Variants in DLGAP2 observed in about 807,000 individuals in gnomAD.
The protein encoded by DLGAP2 is DLG associated protein 2, also known as disks large-associated protein 2.
DLGAP2 carries 26 observed loss-of-function variants against 100.3 expected under a neutral mutation model. That is an observed-to-expected ratio of 0.26 (90% CI 0.19 to 0.36). DLGAP2 has a LOEUF of 0.36. DLGAP2 is among the 10% of genes least tolerant of loss of function. DLGAP2 has a pLI of 1.00. For missense variants in DLGAP2, 1,858 were observed against 1,453.2 expected, an observed-to-expected ratio of 1.28 and a Z score of -4.53; for synonymous variants, 886 against 630.1, an observed-to-expected ratio of 1.41 and a Z score of -6.08.
At chr8:1,342,676 C>T (rs1407989631) in intron 3 of DLGAP2, among the ~76,000 whole-genome samples, 1 of 152,180 alleles carries the variant, frequency 6.6e-6, no homozygotes, top group African/African-American at 2.4e-5. Flanking sequence ...TTTCTCATCC[C>T]TAACTTTATA....
In DLGAP2 at chr8:1,702,453, A is replaced by T. The variant is rs1472242660; in HGVS notation, c.*1047A>T. 2 of 152,650 alleles carry T rather than the reference A, an allele frequency of 1.3e-5. No individual in the cohort carries two copies. Among genetic ancestry groups the T allele is most frequent in the African/African-American group, 4.8e-5 (2 of 41,462 alleles). The allele number at this position is 152,650 out of a possible 1,614,324, so 9.5% of individuals were successfully genotyped here. On this transcript the variant is annotated 3_prime_UTR_variant, in exon 15 of 15. Coordinates refer to ENST00000637795, the MANE Select transcript of DLGAP2 (RefSeq NM_001346810.2). ...TTAAGAAATATGAATGTGAGTGGTA[A>T]GTATATCTCAGTTTAAATGGTAAAG...
intron 3 of DLGAP2, among the ~76,000 whole-genome samples, chr8:1,432,852 C>G (rs1797492355): frequency 6.6e-6 from 1 of 152,190 alleles, no homozygotes; most frequent in South Asian, 2.1e-4. Flanking sequence ...ACCCCGGTGA[C>G]TTGGGTCCTG....
rs1799587007 is a variant in DLGAP2, at chr8:1,701,981, G to A, written c.*575G>A. The A allele has an allele frequency of 6.6e-6, 1 of 152,138 alleles. No homozygotes were observed. Among genetic ancestry groups the A allele is most frequent in the Non-Finnish European group, 1.5e-5 (1 of 68,110 alleles). 9.4% of individuals were successfully genotyped at this position (152,138 alleles called of 1,614,324 possible). A position where few individuals can be genotyped will look rare whatever the true frequency, so the allele number is the denominator to read the frequency against. ...TCGGACAGAAAACACGAGGCTCCTTGTGTCAAGCTTCCTGTGATGGAAAGC... is the reference window on the plus strand; with the variant it reads ...TCGGACAGAAAACACGAGGCTCCTTATGTCAAGCTTCCTGTGATGGAAAGC... On this transcript the variant is annotated 3_prime_UTR_variant, in exon 15 of 15. Coordinates refer to ENST00000637795, the MANE Select transcript of DLGAP2 (RefSeq NM_001346810.2).
chr8:1,001,808 C>T (rs57381523), intron 2 of DLGAP2, among the ~76,000 whole-genome samples: 1 of 152,140 alleles, frequency 6.6e-6, no homozygotes, highest in Non-Finnish European at 1.5e-5. Flanking sequence ...GAACAAGGAA[C>T]AAGGAAGAAA....
At chr8:1,581,025 CCA>C (rs1322209154) in intron 6 of DLGAP2, among the ~76,000 whole-genome samples, 1 of 142,742 alleles carries the variant, frequency 7.0e-6, no homozygotes, top group African/African-American at 2.6e-5. Flanking sequence ...TACACACACA[CCA>C]CAGTCAAACT....
chr8:879,722 A>G (rs953144480), intron 1 of DLGAP2, among the ~76,000 whole-genome samples: 2 of 152,174 alleles, frequency 1.3e-5, no homozygotes, highest in African/African-American at 4.8e-5. Context: ...GAATTTTTTC[A>G]TCATTGACCT....
intron 3 of DLGAP2, among the ~76,000 whole-genome samples, chr8:1,287,561 G>T (rs1799963051): frequency 7.4e-6 from 1 of 134,844 alleles, no homozygotes; most frequent in Admixed American, 7.7e-5. Context: ...GTGTGGTTCT[G>T]TTCGGAGGGG....
intron 1 of DLGAP2, among the ~76,000 whole-genome samples, chr8:837,043 C>T (rs900763459): frequency 6.6e-6 from 1 of 152,242 alleles, no homozygotes; most frequent in Middle Eastern, 3.2e-3. Context: ...GAGCCAGATT[C>T]CCGGGGTTCG....
intron 1 of DLGAP2, among the ~76,000 whole-genome samples, chr8:874,761 T>C (rs1422871335): frequency 6.6e-6 from 1 of 152,202 alleles, no homozygotes; most frequent in Non-Finnish European, 1.5e-5. Flanking sequence ...GCCTTCTCTT[T>C]CCTTGTTGAT....
intron 7 of DLGAP2, among the ~76,000 whole-genome samples, chr8:1,628,813 C>T (rs1253736712): frequency 6.6e-6 from 1 of 152,202 alleles, no homozygotes; most frequent in African/African-American, 2.4e-5. Flanking sequence ...GAGCCGACCT[C>T]ACATTCTCTC....
intron 1 of DLGAP2, among the ~76,000 whole-genome samples, chr8:845,461 C>T (rs1797055879): frequency 6.6e-6 from 1 of 152,118 alleles, no homozygotes; most frequent in Non-Finnish European, 1.5e-5. Context: ...TTGTATATCT[C>T]CTTTGGGAGA....
At chr8:1,507,264 C>G (rs886089573) in intron 4 of DLGAP2, among the ~76,000 whole-genome samples, 1 of 152,238 alleles carries the variant, frequency 6.6e-6, no homozygotes, top group Non-Finnish European at 1.5e-5. Context: ...GGGGGAGGCT[C>G]AGGCATGGCG....
chr8:1,356,088 G>A (rs1474710242), intron 3 of DLGAP2, among the ~76,000 whole-genome samples: 2 of 152,216 alleles, frequency 1.3e-5, no homozygotes, highest in Admixed American at 6.5e-5. Flanking sequence ...GCCAGTGCAG[G>A]TCCCTGGACA....
chr8:1,318,677 C>T (rs1227606114), intron 3 of DLGAP2, among the ~76,000 whole-genome samples: 2 of 152,000 alleles, frequency 1.3e-5, no homozygotes, highest in East Asian at 3.9e-4. Context: ...TGCCAAGCAA[C>T]ATACTAAGTT....
intron 3 of DLGAP2, among the ~76,000 whole-genome samples, chr8:1,360,780 C>G (rs546034063): frequency 3.9e-5 from 6 of 152,254 alleles, no homozygotes; most frequent in Admixed American, 3.9e-4. Context: ...TCTTGTGTGG[C>G]CTGACACGGT....
chr8:1,223,219 T>A (rs1798351980), intron 2 of DLGAP2, among the ~76,000 whole-genome samples: 1 of 152,188 alleles, frequency 6.6e-6, no homozygotes, highest in Admixed American at 6.5e-5. Flanking sequence ...TGTCCAGGGT[T>A]CCCACCTTCC....
intron 7 of DLGAP2, among the ~76,000 whole-genome samples, chr8:1,629,395 A>T (rs1193812589): frequency 2.0e-5 from 3 of 152,240 alleles, no homozygotes; most frequent in Non-Finnish European, 4.4e-5. Context: ...GGCAAATGGG[A>T]ATGGTGGGTC....
intron 4 of DLGAP2, among the ~76,000 whole-genome samples, chr8:1,528,998 G>A (rs1800891018): frequency 6.6e-6 from 1 of 152,188 alleles, no homozygotes; most frequent in Non-Finnish European, 1.5e-5. Flanking sequence ...CCTTCCTCAT[G>A]TTTATAAAAT....
intron 2 of DLGAP2, among the ~76,000 whole-genome samples, chr8:1,058,040 C>T (rs1182160441): frequency 6.6e-6 from 1 of 152,162 alleles, no homozygotes; most frequent in Non-Finnish European, 1.5e-5. Flanking sequence ...TTCTGGTGAA[C>T]TTAACAGTTT....
Sources: gnomAD v4.1 joint callset for allele counts (sites outside exome capture counted in the v4.1 genomes callset) on GRCh38, gnomAD v4.1.1 for gene constraint, MANE v1.5 for transcripts, NCBI Gene and HGNC (gene_info 2026-07-23, HGNC 2026-07-21) for gene names.